GRID2: variants seen among roughly 807,000 people sequenced by gnomAD.
GRID2 encodes the protein glutamate ionotropic receptor delta type subunit 2, also known as glutamate receptor ionotropic, delta-2.
A neutral mutation model predicts 114.8 loss-of-function variants in GRID2; 33 were observed. The observed-to-expected ratio is 0.29, with a 90% CI of 0.22 to 0.38. GRID2 has a LOEUF of 0.38. Ranked by LOEUF, GRID2 falls within the 10% of genes least tolerant of loss-of-function variation. The pLI, the probability that GRID2 is intolerant of heterozygous loss-of-function variation, is 1.00. For missense variants in GRID2, 1,184 were observed against 1,257.7 expected (o/e 0.94, Z 0.89); for synonymous variants, 505 against 449.9 (o/e 1.12, Z -1.55).
intron 8 of GRID2, among the ~76,000 whole-genome samples, chr4:93,287,639 C>T (rs1246970032): frequency 6.6e-6 from 1 of 152,134 alleles, no homozygotes; most frequent in Non-Finnish European, 1.5e-5. Context: ...TTTCATCTTG[C>T]TTCAAATGAC....
intron 2 of GRID2, among the ~76,000 whole-genome samples, chr4:92,952,128 A>T (rs936355221): frequency 6.6e-6 from 1 of 152,212 alleles, no homozygotes; most frequent in South Asian, 2.1e-4. Flanking sequence ...ATTGCCCTCC[A>T]AAGGATTTGT....
chr4:93,209,064 G>A (rs1743145056), intron 5 of GRID2, among the ~76,000 whole-genome samples: 1 of 151,986 alleles, frequency 6.6e-6, no homozygotes, highest in Non-Finnish European at 1.5e-5. Flanking sequence ...ATCTTTTTCA[G>A]TGTAAAGCTT....
At chr4:93,802,679 T>C (rs973657847) in intron 1 of GRID2, among the ~76,000 whole-genome samples, 5 of 152,232 alleles carry the variant, frequency 3.3e-5, no homozygotes, top group African/African-American at 1.2e-4. Flanking sequence ...TGTAAGATTT[T>C]TAATTTCTAC....
intron 13 of GRID2, among the ~76,000 whole-genome samples, chr4:93,625,731 C>A (rs964176610): frequency 1.3e-5 from 2 of 151,970 alleles, no homozygotes; most frequent in African/African-American, 4.8e-5. Flanking sequence ...CTGGCTAACA[C>A]GGTGAAACCC....
chr4:92,781,601 C>T (rs1457188063), intron 2 of GRID2, among the ~76,000 whole-genome samples: 1 of 151,636 alleles, frequency 6.6e-6, no homozygotes, highest in Non-Finnish European at 1.5e-5. Flanking sequence ...AGTTTTCTAC[C>T]TTCATAATTT....
chr4:92,770,435 A>G (rs908325511), intron 2 of GRID2, among the ~76,000 whole-genome samples: 1 of 152,148 alleles, frequency 6.6e-6, no homozygotes, highest in Non-Finnish European at 1.5e-5. Flanking sequence ...AGTTGCTTCC[A>G]TACTTTTGGG....
chr4:93,801,272 T>G (rs1462385200), intron 1 of GRID2, among the ~76,000 whole-genome samples: 1 of 152,136 alleles, frequency 6.6e-6, no homozygotes, highest in Non-Finnish European at 1.5e-5. Context: ...AAAGGTGTAT[T>G]TTAGAGACCT....
At chr4:93,361,940 G>A (rs994313004) in intron 8 of GRID2, among the ~76,000 whole-genome samples, 1 of 152,026 alleles carries the variant, frequency 6.6e-6, no homozygotes, top group African/African-American at 2.4e-5. Flanking sequence ...CCATCACCTA[G>A]GTATTAGGCC....
intron 2 of GRID2, among the ~76,000 whole-genome samples, chr4:92,856,068 A>T (rs1167379741): frequency 1.3e-5 from 2 of 151,914 alleles, no homozygotes; most frequent in African/African-American, 2.4e-5. Flanking sequence ...CCAAGCTGGA[A>T]TTTTTTTCCA....
chr4:92,628,569 G>A (rs1264008097), intron 2 of GRID2, among the ~76,000 whole-genome samples: 1 of 152,118 alleles, frequency 6.6e-6, no homozygotes, highest in Non-Finnish European at 1.5e-5. Flanking sequence ...TGTTGCCCAG[G>A]CTGGTCTCGA....
At chr4:93,142,568 G>A (rs1027021324) in intron 4 of GRID2, among the ~76,000 whole-genome samples, 2 of 152,094 alleles carry the variant, frequency 1.3e-5, no homozygotes, top group African/African-American at 4.8e-5. Context: ...CACCTAGAGG[G>A]TTAGAATTTC....
At chr4:93,219,686 A>G (rs1171230654) in intron 6 of GRID2, among the ~76,000 whole-genome samples, 2 of 152,172 alleles carry the variant, frequency 1.3e-5, no homozygotes, top group African/African-American at 4.8e-5. Flanking sequence ...TAAATATTAA[A>G]GAACACCTTT....
chr4:92,479,649 T>C (rs1722486537), intron 1 of GRID2, among the ~76,000 whole-genome samples: 1 of 152,152 alleles, frequency 6.6e-6, no homozygotes, highest in Non-Finnish European at 1.5e-5. Context: ...AGTTATAAAG[T>C]TGCTGCTTAT....
rs1725239175 is a variant in GRID2, at chr4:93,679,146, G to C, written c.2360+52711G>C. Among the ~76,000 whole-genome samples, 2 of 151,054 alleles carry C rather than the reference G, an allele frequency of 1.3e-5. 1 individual carries two copies. Among genetic ancestry groups the C allele is most frequent in the African/African-American group, 4.9e-5 (2 of 40,674 alleles). On this transcript the variant is annotated intron_variant, in intron 14 of 15. Transcript: ENST00000282020. ...TGCAATCCTAGTCTCTGATAAAACA[G>C]ACTTTAAACCAACAAAAATCAAAAG...
At chr4:92,583,721 G>T (rs141182302) in intron 1 of GRID2, among the ~76,000 whole-genome samples, 1 of 146,568 alleles carries the variant, frequency 6.8e-6, no homozygotes, top group Non-Finnish European at 1.5e-5. Flanking sequence ...ATAAACACAC[G>T]CACAAATAAG....
chr4:92,423,163 C>G (rs989367621), intron 1 of GRID2, among the ~76,000 whole-genome samples: 35 of 152,026 alleles, frequency 2.3e-4, no homozygotes, highest in African/African-American at 8.5e-4. Flanking sequence ...GGGAATCTAG[C>G]TGATGTGGTA....
At chr4:93,398,154 T>TATA (rs1560579294) in intron 9 of GRID2, among the ~76,000 whole-genome samples, 3 of 146,110 alleles carry the variant, frequency 2.1e-5, no homozygotes, top group African/African-American at 5.3e-5. Flanking sequence ...TATATATATC[T>TATA]TATCATTAAG....
At chr4:93,671,309 G>C (rs1040664672) in intron 14 of GRID2, among the ~76,000 whole-genome samples, 1 of 152,172 alleles carries the variant, frequency 6.6e-6, no homozygotes, top group African/African-American at 2.4e-5. Context: ...ATTTCAGCCT[G>C]AGAAAGTTAA....
chr4:93,137,979 T>TTTTG (rs1735423899), intron 4 of GRID2, among the ~76,000 whole-genome samples: 1 of 142,578 alleles, frequency 7.0e-6, no homozygotes, highest in African/African-American at 2.6e-5. Flanking sequence ...TTTTTTTTTT[T>TTTTG]TTTTTTTTTT....
Sources: gnomAD v4.1 joint callset for allele counts (sites outside exome capture counted in the v4.1 genomes callset) on GRCh38, gnomAD v4.1.1 for gene constraint, MANE v1.5 for transcripts, NCBI Gene and HGNC (gene_info 2026-07-23, HGNC 2026-07-21) for gene names.